MERTK: variants seen among roughly 807,000 people sequenced by gnomAD.
The protein encoded by MERTK is tyrosine-protein kinase Mer.
Under a neutral mutation model 99.3 loss-of-function variants are expected in MERTK, and 69 were observed. The observed-to-expected ratio is 0.70, with a 90% CI of 0.57 to 0.85. The LOEUF is 0.85. Ranked by LOEUF, MERTK falls within the 40% of genes least tolerant of loss-of-function variation. The pLI is 0.00. For missense variants in MERTK, 1,125 were observed against 1,249.4 expected, an observed-to-expected ratio of 0.90 and a Z score of 1.50; for synonymous variants, 426 against 467.6, an observed-to-expected ratio of 0.91 and a Z score of 1.15.
intron 8 of MERTK, among the ~76,000 whole-genome samples, chr2:111,984,233 T>A (rs2104742363): frequency 6.6e-6 from 1 of 152,176 alleles, no homozygotes; most frequent in South Asian, 2.1e-4. Flanking sequence ...TGTCAGGCCC[T>A]CCATGGATTG....
At position 111,910,874 on chromosome 2, in the gene MERTK, A is replaced by G. The variant is rs189831020; in HGVS notation, c.61+12078A>G. ...AGGGGAGGATAGGAAGAGATTTGTTAAAGAATTCAAAATTACAGCAAGATA... is the reference window on the plus strand; with the variant it reads ...AGGGGAGGATAGGAAGAGATTTGTTGAAGAATTCAAAATTACAGCAAGATA... On this transcript the variant is annotated intron_variant, in intron 1 of 18. Transcript: ENST00000295408. Among the ~76,000 whole-genome samples the G allele has an allele frequency of 1.1e-4, 16 of 152,292 alleles. No homozygotes were observed. In the East Asian group the frequency reaches 2.5e-3, roughly 24 times the overall value.
chr2:111,997,388 T>G lies in MERTK; in HGVS notation c.1516T>G (p.Phe506Val), dbSNP rs770513563. The change falls in exon 10 of 19, where the codon TTT (phenylalanine) becomes GTT (valine). Residue 506 changes from phenylalanine (F) to valine (V), a missense_variant. By Grantham distance (50) the Phe-to-Val change is conservative. Transcript: ENST00000295408. ...CAACGCAGATCCTGTGCTCATCATCTTTGGCTGCTTTTGTGGATTTATTTT... is the reference window on the plus strand; with the variant it reads ...CAACGCAGATCCTGTGCTCATCATCGTTGGCTGCTTTTGTGGATTTATTTT... ...PGNADPVLII[F>V]GCFCGFILIG... is the part of the protein sequence containing the mutation. The G allele has an allele frequency of 5.6e-6, 9 of 1,614,066 alleles. No individual in the cohort carries two copies. In the African/African-American group the frequency reaches 9.3e-5, roughly 17 times the overall value.
At chr2:112,022,589 C>T (rs1240536097) in intron 18 of MERTK, 195 bp downstream of exon 18, 5 of 870,498 alleles carry the variant, frequency 5.7e-6, no homozygotes, top group Non-Finnish European at 9.7e-6. Context: ...GTGGTATCTC[C>T]AGTGAGCCCA....
chr2:111,954,806 A>G (rs1332364123), intron 4 of MERTK, among the ~76,000 whole-genome samples: 1 of 152,120 alleles, frequency 6.6e-6, no homozygotes, highest in Non-Finnish European at 1.5e-5. Context: ...GACTGTGGGG[A>G]TTGTGCTGGG....
rs77733314 is a variant in MERTK at position 111,950,570 on chromosome 2, C to T, written c.757+3003C>T. Among the ~76,000 whole-genome samples the T allele has an allele frequency of 6.1e-3, 934 of 152,288 alleles. 8 individuals are homozygous for T. Among genetic ancestry groups the T allele is most frequent in the African/African-American group, 0.02 (812 of 41,558 alleles). ...TATGTTTACCAACATTTGATTTGGTCAGTCTTCTTAAGTGTAGACATTTAG... is the reference window on the plus strand; with the variant it reads ...TATGTTTACCAACATTTGATTTGGTTAGTCTTCTTAAGTGTAGACATTTAG... On this transcript the variant is annotated intron_variant, in intron 4 of 18. Transcript: ENST00000295408.
At chr2:111,917,860 G>A (rs1291163636) in intron 1 of MERTK, among the ~76,000 whole-genome samples, 2 of 149,926 alleles carry the variant, frequency 1.3e-5, no homozygotes, top group African/African-American at 4.9e-5. Context: ...ACTCCAGCCT[G>A]GTGACAGAGT....
intron 8 of MERTK, among the ~76,000 whole-genome samples, chr2:111,991,087 G>A (rs1170239547): frequency 1.3e-5 from 2 of 152,148 alleles, no homozygotes; most frequent in Non-Finnish European, 1.5e-5. Flanking sequence ...GCAATGGCCT[G>A]AGTCACCAAA....
At chr2:112,000,982 T>A (rs79058693) in intron 10 of MERTK, among the ~76,000 whole-genome samples, 44,302 of 152,110 alleles carry the variant, frequency 0.29, 6,902 homozygotes, top group African/African-American at 0.37. Flanking sequence ...GCTTATCTGT[T>A]ATTCTCTGTT....
At chr2:111,946,718 C>A (rs929462782) in intron 3 of MERTK, among the ~76,000 whole-genome samples, 21 of 152,170 alleles carry the variant, frequency 1.4e-4, no homozygotes, top group Non-Finnish European at 4.4e-5. Context: ...TTTTACTCTG[C>A]GTTTATTTTG....
chr2:111,917,086 G>A (rs144640938), intron 1 of MERTK, among the ~76,000 whole-genome samples: 164 of 152,298 alleles, frequency 1.1e-3, no homozygotes, highest in African/African-American at 3.8e-3. Context: ...GGGAAGGATG[G>A]CCTCCTTTCT....
At position 111,965,253 on chromosome 2, in the gene MERTK, A is replaced by T. The variant is rs1219943028; in HGVS notation, c.820A>T (p.Lys274Ter). ...AHNDKGLTVS[K>*]GVQINIKAIP... ...CAATGACAAAGGGCTGACCGTGTCC[A>T]AGGGAGTGCAGATCAACATCAAAGG... The change falls in exon 5 of 19, where the codon AAG becomes TAG. Residue 274 changes from lysine to a stop codon, truncating the protein, a stop_gained. Coordinates refer to ENST00000295408, the MANE Select transcript of MERTK (RefSeq NM_006343.3). LOFTEE classifies it high-confidence loss of function. 1 of 1,614,210 alleles carries T rather than the reference A, an allele frequency of 6.2e-7. No individual in the cohort carries two copies. Among genetic ancestry groups the T allele is most frequent in the East Asian group, 2.2e-5 (1 of 44,884 alleles).
rs1677341585 is a variant in MERTK, at chr2:112,021,289, A to G, written c.2190-133A>G. 1.4e-5 allele frequency: 18 copies of G among 1,299,204 alleles called. 1 individual carries two copies. In the South Asian group the frequency reaches 2.2e-4, roughly 16 times the overall value. The allele number at this position is 1,299,204 out of a possible 1,614,324, so 80.5% of individuals were successfully genotyped here. A position where few individuals can be genotyped will look rare whatever the true frequency, so the allele number is the denominator to read the frequency against. On this transcript the variant is annotated intron_variant, in intron 16 of 18. Coordinates refer to ENST00000295408, the MANE Select transcript of MERTK (RefSeq NM_006343.3). Reference sequence around the variant, plus strand: ...GCTCTGCCATTGGTCCCAATGCAGCATGCTCACAGGCTGGTGGTGTCTCTG... The same window carrying G: ...GCTCTGCCATTGGTCCCAATGCAGCGTGCTCACAGGCTGGTGGTGTCTCTG...
In MERTK at chr2:111,997,463, GA is replaced by G; in HGVS notation, c.1592del (p.Glu531GlyfsTer15). On this transcript the variant is annotated frameshift_variant, in exon 10 of 19. Coordinates refer to ENST00000295408, the MANE Select transcript of MERTK (RefSeq NM_006343.3). LOFTEE classifies it high-confidence loss of function. ...ISLAIRKRVQ[E>X]TKFGNAFTEE... ...CTTGGCCATCAGAAAAAGAGTCCAG[GA>G]GACAAAGTTTGGGTAAGTCTCCCAG... 6.2e-7 allele frequency: 1 copy of G among 1,613,996 alleles called. No homozygotes were observed. Among genetic ancestry groups the G allele is most frequent in the South Asian group, 1.1e-5 (1 of 91,086 alleles).
At chr2:111,908,551 A>G (rs1684183226) in intron 1 of MERTK, among the ~76,000 whole-genome samples, 1 of 152,128 alleles carries the variant, frequency 6.6e-6, no homozygotes, top group Non-Finnish European at 1.5e-5. Flanking sequence ...TTTGATCATG[A>G]TTGACATGAT....
chr2:112,018,467 A>G (rs796668059), intron 15 of MERTK, among the ~76,000 whole-genome samples: 2 of 152,208 alleles, frequency 1.3e-5, no homozygotes, highest in Non-Finnish European at 2.9e-5. Flanking sequence ...TTTATACAGT[A>G]TGTAATTGAC....
intron 9 of MERTK, chr2:111,995,176 C>G (rs1341509308): frequency 6.4e-6 from 1 of 155,430 alleles, no homozygotes; most frequent in Non-Finnish European, 1.4e-5. Context: ...TGAAATATTT[C>G]CTATGGAAGC....
chr2:111,905,068 G>A (rs1296851020), intron 1 of MERTK, among the ~76,000 whole-genome samples: 1 of 152,240 alleles, frequency 6.6e-6, no homozygotes, highest in Non-Finnish European at 1.5e-5. Flanking sequence ...AGGATCAGCA[G>A]GCCCCTTTTG....
rs115576177 is a variant in MERTK at position 111,983,624 on chromosome 2, C to T, written c.1296+631C>T. On this transcript the variant is annotated intron_variant, in intron 8 of 18. Coordinates refer to ENST00000295408, the MANE Select transcript of MERTK (RefSeq NM_006343.3). Reference sequence around the variant, plus strand: ...GCCAGGTGGCACAGGTTCCCTGCTCCACCAAGTCCCATTGGGCAATGTGAT... The same window carrying T: ...GCCAGGTGGCACAGGTTCCCTGCTCTACCAAGTCCCATTGGGCAATGTGAT... 6.3e-3 allele frequency among the ~76,000 whole-genome samples: 965 copies of T among 152,328 alleles called. 13 individuals are homozygous for T. Among genetic ancestry groups the T allele is most frequent in the African/African-American group, 0.022 (931 of 41,562 alleles).
At chr2:111,929,004 T>C in intron 1 of MERTK, 116 bp from the exon 2 acceptor site, 1 of 1,012,236 alleles carries the variant, frequency 9.9e-7, no homozygotes, top group Non-Finnish European at 1.5e-6. Context: ...TGCTTATCTT[T>C]TCCTGGGGCA....
Sources: allele counts gnomAD v4.1 joint callset (sites outside exome capture counted in the v4.1 genomes callset), GRCh38; gene constraint gnomAD v4.1.1; transcripts MANE v1.5; gene names NCBI Gene and HGNC (gene_info 2026-07-23, HGNC 2026-07-21).